The following LRAT variants were observed in gnomAD, a reference collection of about 807,000 sequenced individuals.
The protein encoded by LRAT is lecithin retinol acyltransferase, also known as lecithin retinol acyltransferase (phosphatidylcholine--retinol O-acyltransferase).
In LRAT, 11 loss-of-function variants were observed where a neutral mutation model predicts 14.2. That is an observed-to-expected ratio of 0.78 (90% confidence interval 0.49 to 1.29). The LOEUF (loss-of-function observed/expected upper bound fraction) is 1.29, where lower values mean the gene tolerates loss of function less well. Ranked by LOEUF, LRAT falls within the 50% of genes most tolerant of loss-of-function variation. The probability of loss-of-function intolerance (pLI) is 0.00; values close to 1 mark genes in which losing one functional copy is unlikely to be tolerated. For synonymous variants in LRAT, 144 were observed against 124.8 expected, an observed-to-expected ratio of 1.15 and a Z score of -1.03; for missense variants, 274 against 292.4, an observed-to-expected ratio of 0.94 and a Z score of 0.46.
At chr4:154,741,468 T>TA (rs905843562), upstream of LRAT, among the ~76,000 whole-genome samples, 9 of 152,188 alleles carry the variant, frequency 5.9e-5, no homozygotes, top group African/African-American at 9.7e-5. Context: ...CGTTCTGGCT[T>TA]AAAAAATTGG....
At chr4:154,740,911 C>T (rs953913826), upstream of LRAT, 1 of 152,242 alleles carries the variant, frequency 6.6e-6, no homozygotes, top group Non-Finnish European at 1.5e-5. Flanking sequence ...AGAGGAATTT[C>T]TCCTATCTCC....
At position 154,750,098 on chromosome 4, in the gene LRAT, G is replaced by T. The variant is rs914216813; in HGVS notation, c.*962G>T. On this transcript the variant is annotated 3_prime_UTR_variant, in exon 3 of 3. Transcript: ENST00000336356. ...GTCATTGAATTTGTAGTGTTAACTT[G>T]CATATATGTTATTGGATGGGTTGTC... is the stretch of plus-strand genomic sequence containing the variant. 2.6e-5 allele frequency: 4 copies of T among 152,020 alleles called. No individual in the cohort carries two copies. The highest frequency in any genetic ancestry group is 6.6e-5 in the Admixed American group (1 of 15,266). 9.4% of individuals were successfully genotyped at this position (152,020 alleles called of 1,614,324 possible).
upstream of LRAT, among the ~76,000 whole-genome samples, chr4:154,742,154 CT>C (rs1732780063): frequency 6.6e-6 from 1 of 152,194 alleles, no homozygotes; most frequent in Non-Finnish European, 1.5e-5. Flanking sequence ...AGCAAGCTCC[CT>C]GTGCGCAGCT....
upstream of LRAT, among the ~76,000 whole-genome samples, chr4:154,743,760 A>G (rs1438803966): frequency 6.6e-6 from 1 of 151,966 alleles, no homozygotes; most frequent in Non-Finnish European, 1.5e-5. Context: ...ACCTCCCTAA[A>G]TAGGCCACTT....
rs1266575821 is a variant in LRAT, at chr4:154,749,980, G to T, written c.*844G>T. On this transcript the variant is annotated 3_prime_UTR_variant, in exon 3 of 3. Transcript: ENST00000336356. ...ATATACACAGACTGAGAGATAAATT[G>T]TTCTTGATTGCTTTATTATCATCAT... The T allele has an allele frequency of 2.0e-5, 3 of 152,114 alleles. No homozygotes were observed. Among genetic ancestry groups the T allele is most frequent in the Non-Finnish European group, 4.4e-5 (3 of 67,978 alleles). 9.4% of individuals were successfully genotyped at this position (152,114 alleles called of 1,614,324 possible). A position where few individuals can be genotyped will look rare whatever the true frequency, so the allele number is the denominator to read the frequency against.
intron 2 of LRAT, chr4:154,745,249 C>A (rs1463013753): frequency 4.7e-6 from 1 of 212,976 alleles, no homozygotes; most frequent in Admixed American, 5.2e-5. Flanking sequence ...TCCCGATCTC[C>A]TGACCTCGTG....
upstream of LRAT, chr4:154,743,867 G>A (rs957996972): frequency 8.9e-6 from 1 of 112,622 alleles, no homozygotes; most frequent in East Asian, 2.5e-4. Flanking sequence ...CAAAGAAACC[G>A]GGATCCCGCG....
chr4:154,744,918 C>CA (rs750287062), intron 2 of LRAT, 52 bp downstream of exon 2: 1 of 1,578,136 alleles, frequency 6.3e-7, no homozygotes, highest in East Asian at 2.2e-5. Flanking sequence ...TGCCCCCTCC[C>CA]ATCCCTGACC....
intron 2 of LRAT, among the ~76,000 whole-genome samples, chr4:154,747,645 A>G (rs1298291174): frequency 1.3e-5 from 2 of 152,188 alleles, no homozygotes; most frequent in Non-Finnish European, 2.9e-5. Flanking sequence ...TGACTTAATT[A>G]TAAATTACCA....
rs1733021248 is a variant in LRAT, at chr4:154,752,659, A to ATCCTTTTATT, written c.*3525_*3534dup. ...GGAAGAGTCAACAGACTTTAGCAAAATCCTTTTATTTGATTCATGCATAAC... is the reference window on the plus strand; with the variant it reads ...GGAAGAGTCAACAGACTTTAGCAAAATCCTTTTATTTCCTTTTATTTGATTCATGCATAAC... On this transcript the variant is annotated 3_prime_UTR_variant, in exon 3 of 3. Coordinates refer to ENST00000336356, the MANE Select transcript of LRAT (RefSeq NM_004744.5). 6.6e-6 allele frequency: 1 copy of ATCCTTTTATT among 152,164 alleles called. No individual in the cohort carries two copies. The highest frequency in any genetic ancestry group is 2.4e-5 in the African/African-American group (1 of 41,442). 9.4% of individuals were successfully genotyped at this position (152,164 alleles called of 1,614,324 possible).
chr4:154,743,998 C>G (rs974371736), upstream of LRAT: 4 of 371,728 alleles, frequency 1.1e-5, no homozygotes, highest in Admixed American at 4.0e-5. Flanking sequence ...GCCTGCACCT[C>G]CGAGCACCGC....
upstream of LRAT, among the ~76,000 whole-genome samples, chr4:154,742,088 C>T (rs555870911): frequency 1.3e-5 from 2 of 152,194 alleles, no homozygotes; most frequent in Admixed American, 1.3e-4. Context: ...ACACCGAGGT[C>T]TATCAGACTC....
intron 2 of LRAT, 74 bp downstream of exon 2, chr4:154,744,940 C>T: frequency 6.9e-7 from 1 of 1,457,032 alleles, no homozygotes; most frequent in Admixed American, 1.7e-5. Context: ...TTTCTCTTCC[C>T]CGCGAGTAGG....
chr4:154,743,544 G>A (rs1308375599), upstream of LRAT, among the ~76,000 whole-genome samples: 1 of 152,054 alleles, frequency 6.6e-6, no homozygotes, highest in Non-Finnish European at 1.5e-5. Flanking sequence ...GAATCTGCAG[G>A]CATTCGAGGC....
At chr4:154,741,683 A>G (rs917475659), upstream of LRAT, among the ~76,000 whole-genome samples, 4 of 152,220 alleles carry the variant, frequency 2.6e-5, no homozygotes, top group Non-Finnish European at 5.9e-5. Context: ...AAGAAAAATG[A>G]AACGCAAATC....
chr4:154,742,710 G>C (rs964019457), upstream of LRAT, among the ~76,000 whole-genome samples: 1 of 152,134 alleles, frequency 6.6e-6, no homozygotes, highest in Non-Finnish European at 1.5e-5. Context: ...CGCGGCCAAC[G>C]CTTCAGCGGC....
At chr4:154,747,518 C>A (rs1407150561) in intron 2 of LRAT, among the ~76,000 whole-genome samples, 8 of 152,070 alleles carry the variant, frequency 5.3e-5, no homozygotes, top group Admixed American at 1.3e-4. Context: ...CTGTTGAGCA[C>A]CACTAAAGAT....
Position 154,744,474 on chromosome 4 carries a change from G to C in LRAT, c.148G>C (p.Val50Leu). ...YETSSFHRGD[V>L]LEVPRTHLTH... Reference sequence around the variant, plus strand: ...AACCAGCTCTTTCCACCGAGGCGACGTGCTGGAGGTGCCCCGGACCCACCT... The same window carrying C: ...AACCAGCTCTTTCCACCGAGGCGACCTGCTGGAGGTGCCCCGGACCCACCT... Residue 50 changes from valine (V) to leucine (L), a missense_variant, in exon 2 of 3, where the codon GTG becomes CTG. Transcript: ENST00000336356. 1.9e-6 allele frequency: 3 copies of C among 1,614,054 alleles called. No individual in the cohort carries two copies. Among genetic ancestry groups the C allele is most frequent in the Non-Finnish European group, 2.5e-6 (3 of 1,180,028 alleles).
At position 154,744,427 on chromosome 4, in the gene LRAT, AAGGG is replaced by A. The variant is rs776629244; in HGVS notation, c.105_108del (p.Arg36ThrfsTer22). 2 of 1,614,040 alleles carry A rather than the reference AAGGG, an allele frequency of 1.2e-6. No homozygotes were observed. Among genetic ancestry groups the A allele is most frequent in the Admixed American group, 3.3e-5 (2 of 60,014 alleles). ...AGTTCGGGCGCCGCGGGCGAAGACA[AAGGG>A]AGGAACAGTTTTTATGAAACCAGCT... On this transcript the variant is annotated frameshift_variant, in exon 2 of 3. Coordinates refer to ENST00000336356, the MANE Select transcript of LRAT (RefSeq NM_004744.5). LOFTEE classifies it high-confidence loss of function.
Sources: gnomAD v4.1 joint callset for allele counts (sites outside exome capture counted in the v4.1 genomes callset) on GRCh38, gnomAD v4.1.1 for gene constraint, MANE v1.5 for transcripts, NCBI Gene and HGNC (gene_info 2026-07-23, HGNC 2026-07-21) for gene names.